ABCA13: variants seen among roughly 807,000 people sequenced by gnomAD.
The protein encoded by ABCA13 is ATP-binding cassette sub-family A member 13.
A neutral mutation model predicts 478.7 loss-of-function variants in ABCA13; 476 were observed. That is an observed-to-expected ratio of 0.99 (90% CI 0.92 to 1.07). ABCA13 has a LOEUF of 1.07. Ranked by LOEUF, ABCA13 falls within the 50% of genes least tolerant of loss-of-function variation. The pLI is 0.00. For synonymous variants in ABCA13, 2,252 were observed against 2,158.9 expected (o/e 1.04, Z -1.20); for missense variants, 6,060 against 5,910.6 (o/e 1.03, Z -0.83).
chr7:48,202,935 C>T (rs1020402530), intron 3 of ABCA13, among the ~76,000 whole-genome samples: 3 of 152,194 alleles, frequency 2.0e-5, no homozygotes, highest in African/African-American at 7.2e-5. Context: ...CTTGGGCGGT[C>T]GATGGGACTG....
At chr7:48,345,979 C>A (rs1367697753) in intron 29 of ABCA13, among the ~76,000 whole-genome samples, 2 of 152,150 alleles carry the variant, frequency 1.3e-5, no homozygotes, top group Non-Finnish European at 2.9e-5. Context: ...ATAAACAAAT[C>A]CTTACCATCG....
chr7:48,274,863 C>T lies in ABCA13; in HGVS notation c.5197C>T (p.Arg1733Cys), dbSNP rs373958996. Reference sequence around the variant, plus strand: ...TGTTAATCATCTGCTGCAGCTCTCACGCCTGTTTCCTAAAGATGTTGTGGA... The same window carrying T: ...TGTTAATCATCTGCTGCAGCTCTCATGCCTGTTTCCTAAAGATGTTGTGGA... ...WNVNHLLQLSRLFPKDVVDAV... is the reference protein window; with the variant it reads ...WNVNHLLQLSCLFPKDVVDAV... The change falls in exon 17 of 62, where the codon CGC (arginine) becomes TGC (cysteine). Residue 1733 changes from arginine to cysteine, a missense_variant. Physicochemically the swap from Arg to Cys is radical, Grantham distance 180 (BLOSUM62 -3). Transcript: ENST00000435803. 119 of 1,613,806 alleles carry T rather than the reference C, an allele frequency of 7.4e-5. 1 individual carries two copies. Among genetic ancestry groups the T allele is most frequent in the African/African-American group, 3.3e-4 (25 of 74,892 alleles).
chr7:48,500,419 C>T (rs1406048175), intron 48 of ABCA13, among the ~76,000 whole-genome samples: 1 of 151,922 alleles, frequency 6.6e-6, no homozygotes, highest in Non-Finnish European at 1.5e-5. Flanking sequence ...TTTGTTCTTT[C>T]TTTATTCATT....
chr7:48,432,397 T>A (rs1585297789), intron 42 of ABCA13, among the ~76,000 whole-genome samples: 1 of 152,146 alleles, frequency 6.6e-6, no homozygotes, highest in African/African-American at 2.4e-5. Context: ...ATAGCCATTA[T>A]AGAAAATAGT....
chr7:48,177,441 G>A (rs889585844), intron 1 of ABCA13, among the ~76,000 whole-genome samples: 2 of 152,174 alleles, frequency 1.3e-5, no homozygotes, highest in African/African-American at 4.8e-5. Context: ...AGCCACCTGC[G>A]AGCCAGTGCA....
intron 9 of ABCA13, 60 bp downstream of exon 9, chr7:48,239,465 A>C: frequency 6.6e-7 from 1 of 1,505,376 alleles, no homozygotes; most frequent in Non-Finnish European, 8.9e-7. Flanking sequence ...GTCCAAATCC[A>C]TTCTCCTCCC....
intron 55 of ABCA13, among the ~76,000 whole-genome samples, chr7:48,562,958 GTATA>G (rs57646990): frequency 2.7e-5 from 4 of 150,408 alleles, no homozygotes; most frequent in African/African-American, 7.3e-5. Context: ...ATGTATGTGT[GTATA>G]TATATATATA....
chr7:48,208,162 C>T (rs1459433609), intron 3 of ABCA13, among the ~76,000 whole-genome samples: 1 of 151,960 alleles, frequency 6.6e-6, no homozygotes, highest in East Asian at 1.9e-4. Flanking sequence ...TGTCTGTTTT[C>T]ATGCCAATAC....
intron 24 of ABCA13, 112 bp from the exon 25 acceptor site, chr7:48,312,955 C>A: frequency 8.5e-7 from 1 of 1,173,680 alleles, no homozygotes; most frequent in Non-Finnish European, 1.1e-6. Context: ...CTCTGAAGTT[C>A]AAGAGAGAAT....
chr7:48,227,543 C>A, intron 6 of ABCA13, 118 bp downstream of exon 6: 1 of 1,241,176 alleles, frequency 8.1e-7, no homozygotes, highest in South Asian at 1.5e-5. Flanking sequence ...AATAATGTTA[C>A]CTTGAAACAA....
At chr7:48,307,592 G>A (rs560060000) in intron 23 of ABCA13, among the ~76,000 whole-genome samples, 1 of 152,130 alleles carries the variant, frequency 6.6e-6, no homozygotes, top group African/African-American at 2.4e-5. Context: ...TAAACATTGT[G>A]TGTTTCTACA....
chr7:48,381,808 TTGCACATATTAATG>T (rs1403912621), intron 35 of ABCA13, among the ~76,000 whole-genome samples: 1 of 152,208 alleles, frequency 6.6e-6, no homozygotes, highest in East Asian at 1.9e-4. Context: ...TGGAGGGCCT[TTGCACATATTAATG>T]TGCCCAATTA....
intron 19 of ABCA13, among the ~76,000 whole-genome samples, chr7:48,283,474 G>T (rs368737651): frequency 2.6e-5 from 4 of 152,146 alleles, no homozygotes; most frequent in Non-Finnish European, 4.4e-5. Flanking sequence ...TGAGACTTGC[G>T]TAGTGAGGAT....
chr7:48,214,561 C>T (rs567090815), intron 3 of ABCA13, among the ~76,000 whole-genome samples: 3 of 152,176 alleles, frequency 2.0e-5, no homozygotes, highest in African/African-American at 7.2e-5. Flanking sequence ...GACACTTACA[C>T]CAATTATTTT....
intron 3 of ABCA13, among the ~76,000 whole-genome samples, 164 bp from the exon 4 acceptor site, chr7:48,219,190 C>G (rs1394565344): frequency 6.6e-6 from 1 of 152,120 alleles, no homozygotes; most frequent in Non-Finnish European, 1.5e-5. Context: ...AATGATTTCT[C>G]TTTTGGATGA....
chr7:48,271,156 T>G (rs1471413970), intron 16 of ABCA13, among the ~76,000 whole-genome samples: 1 of 152,220 alleles, frequency 6.6e-6, no homozygotes, highest in Non-Finnish European at 1.5e-5. Flanking sequence ...AAAGTGGACT[T>G]GTAAGTTCTG....
intron 56 of ABCA13, among the ~76,000 whole-genome samples, chr7:48,585,728 T>C (rs1315811245): frequency 6.6e-6 from 1 of 152,202 alleles, no homozygotes; most frequent in Non-Finnish European, 1.5e-5. Context: ...TATAGAATTT[T>C]TCCCTCTTCT....
At chr7:48,191,499 G>T (rs545455283) in intron 1 of ABCA13, among the ~76,000 whole-genome samples, 2 of 152,320 alleles carry the variant, frequency 1.3e-5, no homozygotes, top group African/African-American at 4.8e-5. Flanking sequence ...CACCTCCCGG[G>T]TTCAAGTGAT....
intron 55 of ABCA13, among the ~76,000 whole-genome samples, chr7:48,571,550 G>A (rs1025191019): frequency 6.6e-6 from 1 of 151,064 alleles, no homozygotes; most frequent in African/African-American, 2.4e-5. Context: ...TGGCCTCTGT[G>A]ATGTCTGTTA....
Sources: allele counts gnomAD v4.1 joint callset (sites outside exome capture counted in the v4.1 genomes callset), GRCh38; gene constraint gnomAD v4.1.1; transcripts MANE v1.5; gene names NCBI Gene and HGNC (gene_info 2026-07-23, HGNC 2026-07-21).